Variants in BACH2 observed in about 807,000 individuals in gnomAD.
BACH2 encodes the protein BACH transcriptional regulator 2, also known as transcription regulator protein BACH2.
A neutral mutation model predicts 61.8 loss-of-function variants in BACH2; 5 were observed. The ratio of observed to expected loss-of-function variants is 0.08; its 90% CI spans 0.04 to 0.17. BACH2 has a LOEUF of 0.17. Ranked by LOEUF, BACH2 falls within the 10% of genes least tolerant of loss-of-function variation. The pLI is 1.00. For missense variants in BACH2, 824 were observed against 1,091.1 expected (o/e 0.76, Z 3.45); for synonymous variants, 446 against 440.1 (o/e 1.01, Z -0.17).
intron 4 of BACH2, among the ~76,000 whole-genome samples, chr6:90,161,037 G>A (rs1030817656): frequency 2.6e-4 from 37 of 143,516 alleles, no homozygotes; most frequent in Admixed American, 2.1e-3. Context: ...GCAGTGAGCC[G>A]AGATCGGGCC....
At chr6:90,011,997 T>C (rs931885014) in intron 5 of BACH2, among the ~76,000 whole-genome samples, 1 of 149,136 alleles carries the variant, frequency 6.7e-6, no homozygotes, top group Non-Finnish European at 1.5e-5. Flanking sequence ...GGTCTCGCCA[T>C]ATTGCCCAGG....
In BACH2 at chr6:89,940,707, T is replaced by C. The variant is rs115743126; in HGVS notation, c.1837-2357A>G. On this transcript the variant is annotated intron_variant, in intron 7 of 8. Coordinates refer to ENST00000257749, the MANE Select transcript of BACH2 (RefSeq NM_021813.4). ...TAATACAAACAATACGAGCTACATT[T>C]GTGATTTTAAATTTTCCAGCAGCTA... is the stretch of plus-strand genomic sequence containing the variant. Among the ~76,000 whole-genome samples, 612 of 152,318 alleles carry C rather than the reference T, an allele frequency of 4.0e-3. 5 individuals are homozygous for C. The highest frequency in any genetic ancestry group is 0.014 in the African/African-American group (583 of 41,560).
At chr6:90,179,767 T>C (rs1175584921) in intron 4 of BACH2, among the ~76,000 whole-genome samples, 1 of 152,206 alleles carries the variant, frequency 6.6e-6, no homozygotes, top group Non-Finnish European at 1.5e-5. Context: ...TATCATCTAT[T>C]AAATTTAAAA....
chr6:90,204,556 C>G (rs1769074747), intron 4 of BACH2, among the ~76,000 whole-genome samples: 1 of 152,068 alleles, frequency 6.6e-6, no homozygotes, highest in Non-Finnish European at 1.5e-5. Flanking sequence ...ACAGACACAC[C>G]TACTGAGACT....
intron 2 of BACH2, among the ~76,000 whole-genome samples, chr6:90,259,068 A>G (rs182551034): frequency 8.6e-4 from 130 of 152,022 alleles, no homozygotes; most frequent in Non-Finnish European, 1.6e-3. Flanking sequence ...TCTTTTCCTT[A>G]TCTAATTACT....
intron 5 of BACH2, among the ~76,000 whole-genome samples, chr6:90,017,665 TA>T (rs890917544): frequency 6.6e-6 from 1 of 152,216 alleles, no homozygotes; most frequent in Non-Finnish European, 1.5e-5. Flanking sequence ...TGGTCTTTTA[TA>T]AAAAATCTTC....
At chr6:90,100,519 G>A (rs939500558) in intron 4 of BACH2, among the ~76,000 whole-genome samples, 2 of 152,106 alleles carry the variant, frequency 1.3e-5, no homozygotes, top group South Asian at 2.1e-4. Context: ...ACCTCTCCCA[G>A]GAAGAAGGAA....
chr6:90,027,290 T>C (rs983242932), intron 5 of BACH2, among the ~76,000 whole-genome samples: 1 of 152,170 alleles, frequency 6.6e-6, no homozygotes, highest in Non-Finnish European at 1.5e-5. Context: ...CAAGTCCCTG[T>C]CCTGTCCTTG....
At chr6:90,222,198 T>G (rs1769758323) in intron 3 of BACH2, among the ~76,000 whole-genome samples, 1 of 152,236 alleles carries the variant, frequency 6.6e-6, no homozygotes, top group African/African-American at 2.4e-5. Context: ...AACAGCCACC[T>G]GTGGCTAGTG....
intron 6 of BACH2, among the ~76,000 whole-genome samples, chr6:89,994,170 G>A (rs551946758): frequency 1.3e-5 from 2 of 152,242 alleles, no homozygotes; most frequent in South Asian, 4.1e-4. Context: ...TATACCAAGG[G>A]AATGGGAAAG....
intron 4 of BACH2, among the ~76,000 whole-genome samples, chr6:90,142,859 A>G (rs1173762103): frequency 6.6e-6 from 1 of 152,224 alleles, no homozygotes; most frequent in African/African-American, 2.4e-5. Context: ...AGAATAATAA[A>G]AAAAAGGAAG....
At chr6:89,975,346 C>T (rs961258062) in intron 6 of BACH2, among the ~76,000 whole-genome samples, 7 of 152,186 alleles carry the variant, frequency 4.6e-5, no homozygotes, top group Non-Finnish European at 1.0e-4. Context: ...TGAAGCCTTT[C>T]ACTTTATTAA....
intron 5 of BACH2, among the ~76,000 whole-genome samples, chr6:90,087,968 A>T (rs962265158): frequency 1.3e-5 from 2 of 151,152 alleles, no homozygotes; most frequent in Middle Eastern, 6.8e-3. Flanking sequence ...GGCCATATTC[A>T]TTCTTTCTAT....
intron 2 of BACH2, among the ~76,000 whole-genome samples, chr6:90,270,802 C>T (rs1771494677): frequency 6.6e-6 from 1 of 152,140 alleles, no homozygotes; most frequent in Non-Finnish European, 1.5e-5. Context: ...AATCTGGAGG[C>T]ATCACATTGC....
At chr6:90,077,570 T>C (rs1781526637) in intron 5 of BACH2, among the ~76,000 whole-genome samples, 1 of 152,116 alleles carries the variant, frequency 6.6e-6, no homozygotes, top group East Asian at 1.9e-4. Context: ...AGAATACTAA[T>C]ATATAAATTA....
At position 89,930,927 on chromosome 6, in the gene BACH2, T is replaced by TG. The variant is rs918759098; in HGVS notation, c.*1480dup. On this transcript the variant is annotated 3_prime_UTR_variant, in exon 9 of 9. Coordinates refer to ENST00000257749, the MANE Select transcript of BACH2 (RefSeq NM_021813.4). ...ATGGATCGCAGATGCCAGGATGCCC[T>TG]GCTCTCTCCCAATGGGGTGAAGGCA... is the stretch of plus-strand genomic sequence containing the variant. 1.1e-4 allele frequency: 17 copies of TG among 152,338 alleles called. No individual in the cohort carries two copies. The highest frequency in any genetic ancestry group is 4.1e-4 in the African/African-American group (17 of 41,472). The allele number at this position is 152,338 out of a possible 1,614,324, so 9.4% of individuals were successfully genotyped here.
intron 8 of BACH2, among the ~76,000 whole-genome samples, chr6:89,933,436 A>T (rs1319803891): frequency 6.6e-6 from 1 of 152,148 alleles, no homozygotes; most frequent in Non-Finnish European, 1.5e-5. Context: ...GCCACTCTGT[A>T]TGACACTATA....
chr6:90,104,184 T>C (rs1782797820), intron 4 of BACH2, among the ~76,000 whole-genome samples: 1 of 152,228 alleles, frequency 6.6e-6, no homozygotes, highest in Non-Finnish European at 1.5e-5. Flanking sequence ...CTGAGTGATG[T>C]ATCCCCCAAA....
At chr6:90,153,783 T>C (rs1355328755) in intron 4 of BACH2, among the ~76,000 whole-genome samples, 5 of 152,214 alleles carry the variant, frequency 3.3e-5, no homozygotes, top group Non-Finnish European at 7.3e-5. Flanking sequence ...CCTTCTATGT[T>C]ATGGAACCTA....
Sources: allele counts gnomAD v4.1 joint callset (sites outside exome capture counted in the v4.1 genomes callset), GRCh38; gene constraint gnomAD v4.1.1; transcripts MANE v1.5; gene names NCBI Gene and HGNC (gene_info 2026-07-23, HGNC 2026-07-21).